The following RPSA variants were observed in gnomAD, a reference collection of about 807,000 sequenced individuals.
RPSA encodes ribosomal protein SA, also known as small ribosomal subunit protein uS2.
For synonymous variants in RPSA, 103 were observed against 126.7 expected (o/e 0.81, Z 1.25); for missense variants, 140 against 372.8 (o/e 0.38, Z 5.14).
At chr3:39,409,184 C>CTTTTTT (rs71091746) in intron 3 of RPSA, among the ~76,000 whole-genome samples, 18,156 of 84,660 alleles carry the variant, frequency 0.21, 3,475 homozygotes, top group East Asian at 0.3. Context: ...TATGACCTTC[C>CTTTTTT]TTTTTTTTTT....
In RPSA at chr3:39,412,352, C is replaced by T. The variant is rs1381056127; in HGVS notation, c.872C>T (p.Thr291Ile). 2 of 1,514,838 alleles carry T rather than the reference C, an allele frequency of 1.3e-6. No homozygotes were observed. The highest frequency in any genetic ancestry group is 1.8e-6 in the Non-Finnish European group (2 of 1,093,440). 93.8% of individuals were successfully genotyped at this position (1,514,838 alleles called of 1,614,324 possible). ...TAQATEWVGA[T>I]TDWS The stretch of plus-strand genomic sequence containing the variant: ...CAGGCCACTGAATGGGTAGGAGCAA[C>T]CACTGACTGGTCTTAAGCTGTTCTT... The change falls in exon 7 of 7, where the codon ACC becomes ATC. Residue 291 changes from threonine (T) to isoleucine (I), a missense_variant. Physicochemically the swap from Thr to Ile is moderately conservative, Grantham distance 89 (BLOSUM62 -1). Coordinates refer to ENST00000301821, the MANE Select transcript of RPSA (RefSeq NM_002295.6).
At chr3:39,411,177 T>C (rs1383679369) in intron 4 of RPSA, 178 bp downstream of exon 4, 1 of 780,828 alleles carries the variant, frequency 1.3e-6, no homozygotes, top group African/African-American at 1.7e-5. Context: ...GCCCAATGAG[T>C]GGAGTTTGAT....
chr3:39,408,257 T>A, intron 2 of RPSA: 1 of 449,394 alleles, frequency 2.2e-6, no homozygotes, highest in Non-Finnish European at 4.2e-6. Flanking sequence ...AGTTTTAGGA[T>A]GAATCTTGCA....
intron 3 of RPSA, among the ~76,000 whole-genome samples, chr3:39,409,184 CTTTTTTTT>C (rs71091746): frequency 8.2e-5 from 7 of 85,408 alleles, no homozygotes; most frequent in Admixed American, 5.9e-4. Context: ...TATGACCTTC[CTTTTTTTT>C]TTTTTTTTTT....
chr3:39,412,103 A>C, intron 6 of RPSA, 42 bp downstream of exon 6: 1 of 1,580,542 alleles, frequency 6.3e-7, no homozygotes, highest in Non-Finnish European at 8.7e-7. Flanking sequence ...ATATTTTGCA[A>C]CTTCTCAGTT....
At chr3:39,406,970 C>A (rs971309390) in intron 1 of RPSA, 3 of 451,256 alleles carry the variant, frequency 6.6e-6, no homozygotes, top group South Asian at 4.7e-5. Flanking sequence ...CGGGTGGAGG[C>A]CGCCCTCCAG....
chr3:39,410,485 T>TG lies in RPSA; in HGVS notation c.253-268dup, dbSNP rs1475117084. On this transcript the variant is annotated intron_variant, in intron 3 of 6. Coordinates refer to ENST00000301821, the MANE Select transcript of RPSA (RefSeq NM_002295.6). ...GTAGAATGAACTGAGTGACAGTTCTTGCTTGCTTGAGAAAAATATACTGAG... is the reference window on the plus strand; with the variant it reads ...GTAGAATGAACTGAGTGACAGTTCTTGGCTTGCTTGAGAAAAATATACTGAG... 1.5e-5 allele frequency: 7 copies of TG among 474,862 alleles called. No homozygotes were observed. The East Asian group carries it at 2.9e-4, about 20-fold the overall frequency. 29.4% of individuals were successfully genotyped at this position (474,862 alleles called of 1,614,324 possible).
Position 39,410,980 on chromosome 3 carries a change from C to G in RPSA, c.479C>G (p.Ala160Gly). Residue 160 changes from alanine to glycine, a missense_variant, in exon 4 of 7, where the codon GCC becomes GGC. Physicochemically the swap from Ala to Gly is moderately conservative, Grantham distance 60 (BLOSUM62 0). Coordinates refer to ENST00000301821, the MANE Select transcript of RPSA (RefSeq NM_002295.6). ...TDSPLRYVDIAIPCNNKGAHS... is the reference protein window; with the variant it reads ...TDSPLRYVDIGIPCNNKGAHS... ...TCTCCTCTGCGCTATGTGGACATTG[C>G]CATCCCATGCAACAACAAGGTAATG... 4 of 1,599,598 alleles carry G rather than the reference C, an allele frequency of 2.5e-6. No individual in the cohort carries two copies. The highest frequency in any genetic ancestry group is 3.4e-6 in the Non-Finnish European group (4 of 1,179,822).
chr3:39,407,596 G>A (rs767077709), intron 1 of RPSA, 25 bp from the exon 2 acceptor site: 5 of 1,563,548 alleles, frequency 3.2e-6, no homozygotes, highest in Non-Finnish European at 8.7e-7. Flanking sequence ...GGAATGAAAA[G>A]AAATAGGTTG....
At chr3:39,411,052 C>A in intron 4 of RPSA, 53 bp downstream of exon 4, 1 of 1,589,474 alleles carries the variant, frequency 6.3e-7, no homozygotes, top group Non-Finnish European at 8.5e-7. Flanking sequence ...AAAAAACATT[C>A]CTGTGCACAT....
chr3:39,406,753 G>GC lies in RPSA; in HGVS notation c.-44dup, dbSNP rs1331220182. On this transcript the variant is annotated 5_prime_UTR_variant, in exon 1 of 7. Transcript: ENST00000301821. ...TGCTACCTGCAGAGGGGTCCATACG[G>GC]CGTTGTTCTGGGTGAGTTCCGTGTA... is the stretch of plus-strand genomic sequence containing the variant. 2 of 420,800 alleles carry GC rather than the reference G, an allele frequency of 4.8e-6. No individual in the cohort carries two copies. Among genetic ancestry groups the GC allele is most frequent in the African/African-American group, 4.1e-5 (2 of 48,468 alleles). The allele number at this position is 420,800 out of a possible 1,614,324, so 26.1% of individuals were successfully genotyped here. A position where few individuals can be genotyped will look rare whatever the true frequency, so the allele number is the denominator to read the frequency against.
At chr3:39,408,362 A>G (rs1575254964) in intron 2 of RPSA, 1 of 698,506 alleles carries the variant, frequency 1.4e-6, no homozygotes, top group East Asian at 2.8e-5. Flanking sequence ...AGAGAAAGGA[A>G]AGATGGATTT....
rs535468802 is a variant in RPSA, at chr3:39,411,677, G to A, written c.527G>A (p.Trp176Ter). 6.2e-7 allele frequency: 1 copy of A among 1,607,090 alleles called. No homozygotes were observed. The highest frequency in any genetic ancestry group is 1.1e-5 in the South Asian group (1 of 91,082). The change falls in exon 5 of 7, where the codon TGG becomes TAG. Residue 176 changes from tryptophan (W) to a stop codon, truncating the protein, a stop_gained. Coordinates refer to ENST00000301821, the MANE Select transcript of RPSA (RefSeq NM_002295.6). LOFTEE classifies it high-confidence loss of function. ...KGAHSVGLMW[W>*]MLAREVLRMR... ...GCTCACTCAGTGGGTTTGATGTGGT[G>A]GATGCTGGCTCGGGAAGTTCTGCGC...
At chr3:39,411,548 T>C in intron 4 of RPSA, 101 bp from the exon 5 acceptor site, 2 of 1,244,402 alleles carry the variant, frequency 1.6e-6, no homozygotes, top group Non-Finnish European at 2.3e-6. Flanking sequence ...AACTAAGAGA[T>C]GTCTGTACTT....
rs140671333 is a variant in RPSA at position 39,409,780 on chromosome 3, G to A, written c.253-974G>A. On this transcript the variant is annotated intron_variant, in intron 3 of 6. Coordinates refer to ENST00000301821, the MANE Select transcript of RPSA (RefSeq NM_002295.6). The stretch of plus-strand genomic sequence containing the variant: ...GTCCAGGAGCTGGGGGCTGCAGTAA[G>A]TTATGATTTTGCCACTGCACTCCAA... Among the ~76,000 whole-genome samples the A allele has an allele frequency of 2.7e-3, 417 of 152,226 alleles. 7 individuals carry two copies. The Middle Eastern group carries it at 0.041, about 15-fold the overall frequency.
chr3:39,412,227 T>C (rs184672076), intron 6 of RPSA, 47 bp from the exon 7 acceptor site: 73 of 1,475,250 alleles, frequency 4.9e-5, no homozygotes, highest in Non-Finnish European at 1.7e-5. Flanking sequence ...GGAAAAATAC[T>C]ACATTGAGGA....
chr3:39,407,835 T>G (rs1433766904), intron 2 of RPSA, 49 bp downstream of exon 2: 1 of 1,516,900 alleles, frequency 6.6e-7, no homozygotes, highest in South Asian at 1.1e-5. Flanking sequence ...AGTACAAATT[T>G]TGAGCTTGCT....
intron 6 of RPSA, 58 bp downstream of exon 6, chr3:39,412,119 C>G (rs2723): frequency 4.6e-6 from 7 of 1,520,388 alleles, no homozygotes; most frequent in South Asian, 1.1e-5. Context: ...CAGTTTTATT[C>G]TAACTTTAAT....
In RPSA at chr3:39,410,723, C is replaced by T. The variant is rs138233961; in HGVS notation, c.253-31C>T. ...TGCCAGGATTGTTGCTGTGGAATAT[C>T]GAGTACCACTAACTTTTAAATTCTT... On this transcript the variant is annotated intron_variant, in intron 3 of 6. Transcript: ENST00000301821. 2.1e-3 allele frequency: 3,361 copies of T among 1,613,706 alleles called. 19 individuals are homozygous for T. The highest frequency in any genetic ancestry group is 7.9e-3 in the Middle Eastern group (48 of 6,056).
Sources: gnomAD v4.1 joint callset for allele counts (sites outside exome capture counted in the v4.1 genomes callset) on GRCh38, gnomAD v4.1.1 for gene constraint, MANE v1.5 for transcripts, NCBI Gene and HGNC (gene_info 2026-07-23, HGNC 2026-07-21) for gene names.